Variants in PSAP observed in about 807,000 individuals in gnomAD.
The protein encoded by PSAP is prosaposin.
Under a neutral mutation model 66.0 loss-of-function variants are expected in PSAP, and 25 were observed. The ratio of observed to expected loss-of-function variants is 0.38; its 90% confidence interval spans 0.28 to 0.53. The LOEUF (loss-of-function observed/expected upper bound fraction) is 0.53. Ranked by LOEUF, PSAP falls within the 20% of genes least tolerant of loss-of-function variation. The pLI, the probability that PSAP is intolerant of heterozygous loss-of-function variation, is 0.83. For synonymous variants in PSAP, 273 were observed against 258.9 expected, an observed-to-expected ratio of 1.05 and a Z score of -0.52; for missense variants, 649 against 668.8, an observed-to-expected ratio of 0.97 and a Z score of 0.33.
rs557169342 is a variant in PSAP at position 71,835,160 on chromosome 10, T to C, written c.41-655A>G. Among the ~76,000 whole-genome samples the C allele has an allele frequency of 8.0e-3, 1,209 of 151,928 alleles. 23 individuals carry two copies. The highest frequency in any genetic ancestry group is 0.027 in the African/African-American group (1,129 of 41,424). Reference sequence around the variant, plus strand: ...GGGAGGCTGAGGCAGGAGAATGGCGTGAATCCGGGAGGCGGAGCTGGCAGT... The same window carrying C: ...GGGAGGCTGAGGCAGGAGAATGGCGCGAATCCGGGAGGCGGAGCTGGCAGT... On this transcript the variant is annotated intron_variant, in intron 1 of 13. Transcript: ENST00000394936.
At chr10:71,836,052 C>T (rs1308273134) in intron 1 of PSAP, among the ~76,000 whole-genome samples, 1 of 152,098 alleles carries the variant, frequency 6.6e-6, no homozygotes, top group Non-Finnish European at 1.5e-5. Flanking sequence ...AGACTGAGTC[C>T]CACAAAGCTC....
At chr10:71,842,220 G>A (rs538115866) in intron 1 of PSAP, among the ~76,000 whole-genome samples, 46 of 152,238 alleles carry the variant, frequency 3.0e-4, no homozygotes, top group African/African-American at 8.9e-4. Context: ...GAGTTTCTGC[G>A]GAGGCATGTG....
chr10:71,837,420 G>A (rs190774954), intron 1 of PSAP, among the ~76,000 whole-genome samples: 124 of 152,362 alleles, frequency 8.1e-4, no homozygotes, highest in African/African-American at 2.7e-3. Context: ...ACCTTTTGGG[G>A]ACATGGATCC....
intron 7 of PSAP, chr10:71,823,933 T>C: frequency 7.8e-7 from 1 of 1,286,452 alleles, no homozygotes; most frequent in Non-Finnish European, 1.0e-6. Context: ...GAGGTGAAAA[T>C]AAGAGAAAGG....
Position 71,834,515 on chromosome 10 carries a change from A to G in PSAP, c.41-10T>C. 1 of 1,613,556 alleles carries G rather than the reference A, an allele frequency of 6.2e-7. No individual in the cohort carries two copies. Among genetic ancestry groups the G allele is most frequent in the East Asian group, 2.2e-5 (1 of 44,862 alleles). On this transcript the variant is annotated splice_polypyrimidine_tract_variant and intron_variant, in intron 1 of 13. Coordinates refer to ENST00000394936, the MANE Select transcript of PSAP (RefSeq NM_002778.4). ...ACCGGGCCGGCTAGAGCTAAAATGA[A>G]AACCAACGTGAGGAGGTGGCCCATT...
At position 71,819,470 on chromosome 10, in the gene PSAP, T is replaced by G. The variant is rs772723755; in HGVS notation, c.1345A>C (p.Lys449Gln). Residue 449 changes from lysine to glutamine, a missense_variant, in exon 11 of 14, where the codon AAG becomes CAG. Lys to Gln is a moderately conservative substitution (Grantham distance 53). Coordinates refer to ENST00000394936, the MANE Select transcript of PSAP (RefSeq NM_002778.4). ...GCSFLPDPYQ[K>Q]QCDQFVAEYE... ...CAGCCCAGCCCGGGGCGTACCTGCT[T>G]CTGGTAAGGGTCTGGCAGGAAGCTG... 3.1e-6 allele frequency: 5 copies of G among 1,614,056 alleles called. No homozygotes were observed. In the African/African-American group the frequency reaches 6.7e-5, roughly 22 times the overall value.
At chr10:71,849,636 C>G (rs996707979) in intron 1 of PSAP, among the ~76,000 whole-genome samples, 1 of 144,894 alleles carries the variant, frequency 6.9e-6, no homozygotes. Flanking sequence ...AACAAACAAA[C>G]AAAAAAAAAA....
At chr10:71,818,776 T>C in intron 12 of PSAP, 52 bp from the exon 13 acceptor site, 2 of 1,450,840 alleles carry the variant, frequency 1.4e-6, no homozygotes, top group African/African-American at 1.4e-5. Flanking sequence ...AGCTGCCCGA[T>C]GTATCGCTTT....
chr10:71,821,135 C>T lies in PSAP; in HGVS notation c.909+741G>A, dbSNP rs7068078. 5.4e-3 allele frequency among the ~76,000 whole-genome samples: 817 copies of T among 152,332 alleles called. 13 individuals carry two copies. The highest frequency in any genetic ancestry group is 0.019 in the African/African-American group (787 of 41,568). On this transcript the variant is annotated intron_variant, in intron 8 of 13. Coordinates refer to ENST00000394936, the MANE Select transcript of PSAP (RefSeq NM_002778.4). The stretch of plus-strand genomic sequence containing the variant: ...GCTTCCTGGATTCCAGCTGACACTT[C>T]GGCCTGGCCCCTGGGTCACACACTC...
Position 71,819,492 on chromosome 10 carries a change from G to C in PSAP, c.1323C>G (p.Ser441Arg), listed in dbSNP as rs1419823465. The C allele has an allele frequency of 1.2e-6, 2 of 1,614,230 alleles. No individual in the cohort carries two copies. Among genetic ancestry groups the C allele is most frequent in the Non-Finnish European group, 1.7e-6 (2 of 1,180,050 alleles). The change falls in exon 11 of 14, where the codon AGC (serine) becomes AGG (arginine). Residue 441 changes from serine to arginine, a missense_variant. Physicochemically the swap from Ser to Arg is moderately radical, Grantham distance 110. Transcript: ENST00000394936. ...GCTTCTGGTAAGGGTCTGGCAGGAA[G>C]CTGCAGCCTTTCTCAAGAGCAGCCA... ...EILAALEKGC[S>R]FLPDPYQKQC...
chr10:71,826,923 G>A (rs1842407270), intron 6 of PSAP, among the ~76,000 whole-genome samples: 1 of 152,134 alleles, frequency 6.6e-6, no homozygotes, highest in Non-Finnish European at 1.5e-5. Context: ...ACCTGAGTGT[G>A]ATTAATAATC....
At chr10:71,844,663 G>A (rs531016529) in intron 1 of PSAP, 2 of 152,156 alleles carry the variant, frequency 1.3e-5, no homozygotes, top group East Asian at 3.9e-4. Flanking sequence ...AAGACTCTGT[G>A]TCAAAAAAAG....
chr10:71,837,767 G>C (rs1157429112), intron 1 of PSAP, among the ~76,000 whole-genome samples: 1 of 152,214 alleles, frequency 6.6e-6, no homozygotes, highest in Non-Finnish European at 1.5e-5. Flanking sequence ...AATTGGAATT[G>C]GCACCTGCAA....
At chr10:71,825,721 T>C in intron 7 of PSAP, 116 bp downstream of exon 7, 1 of 968,610 alleles carries the variant, frequency 1.0e-6, no homozygotes. Flanking sequence ...TTTAGCCCAA[T>C]TCAGCACTCT....
chr10:71,822,613 A>C, intron 7 of PSAP: 1 of 472,188 alleles, frequency 2.1e-6, no homozygotes, highest in South Asian at 1.5e-5. Context: ...ATCCCCTTTC[A>C]CCATTTAGAC....
In PSAP at chr10:71,841,458, C is replaced by A. The variant is rs1452369422; in HGVS notation, c.41-6953G>T. ...TAGGAATACTGCCTTCACTTGAAAT[C>A]TAAAATGTTCAGACCACAGCATGGG... is the stretch of plus-strand genomic sequence containing the variant. On this transcript the variant is annotated intron_variant, in intron 1 of 13. Transcript: ENST00000394936. Among the ~76,000 whole-genome samples the A allele has an allele frequency of 2.6e-5, 4 of 152,210 alleles. No homozygotes were observed. In the East Asian group the frequency reaches 7.7e-4, roughly 29 times the overall value.
At chr10:71,829,729 T>G (rs1387242792) in intron 4 of PSAP, among the ~76,000 whole-genome samples, 1 of 152,188 alleles carries the variant, frequency 6.6e-6, no homozygotes, top group East Asian at 1.9e-4. Context: ...CCAGGCGCAG[T>G]GGCTCACACC....
At chr10:71,843,828 A>G (rs984046957) in intron 1 of PSAP, among the ~76,000 whole-genome samples, 10 of 152,210 alleles carry the variant, frequency 6.6e-5, no homozygotes, top group African/African-American at 1.2e-4. Context: ...TAAAGTTTGC[A>G]ATCTAGATAC....
chr10:71,831,377 A>G, intron 3 of PSAP, 126 bp from the exon 4 acceptor site: 1 of 1,275,768 alleles, frequency 7.8e-7, no homozygotes, highest in Non-Finnish European at 1.1e-6. Context: ...GCCCTCAGGG[A>G]AAAGGACTTG....
Sources: gnomAD v4.1 joint callset for allele counts (sites outside exome capture counted in the v4.1 genomes callset) on GRCh38, gnomAD v4.1.1 for gene constraint, MANE v1.5 for transcripts, NCBI Gene and HGNC (gene_info 2026-07-23, HGNC 2026-07-21) for gene names.